DLG2: variants seen among roughly 807,000 people sequenced by gnomAD.
DLG2 encodes the protein discs large MAGUK scaffold protein 2.
In DLG2, 45 loss-of-function variants were observed where a neutral mutation model predicts 132.5. The observed-to-expected ratio is 0.34, with a 90% CI of 0.27 to 0.44. DLG2 has a LOEUF of 0.44. Among genes scored for constraint, DLG2 ranks in the 20% least tolerant of loss-of-function variants. The pLI is 1.00. For synonymous variants in DLG2, 424 were observed against 419.6 expected, an observed-to-expected ratio of 1.01 and a Z score of -0.13; for missense variants, 1,045 against 1,196.9, an observed-to-expected ratio of 0.87 and a Z score of 1.87.
intron 3 of DLG2, among the ~76,000 whole-genome samples, chr11:85,558,865 A>C (rs112853063): frequency 1.3e-5 from 2 of 151,982 alleles, no homozygotes; most frequent in African/African-American, 4.8e-5. Flanking sequence ...TGACGGGATC[A>C]ATCATACCTC....
chr11:84,327,728 T>C (rs189861318), intron 7 of DLG2, among the ~76,000 whole-genome samples: 1 of 152,198 alleles, frequency 6.6e-6, no homozygotes, highest in African/African-American at 2.4e-5. Flanking sequence ...CATAAGAACT[T>C]TATGTTTTTG....
intron 3 of DLG2, among the ~76,000 whole-genome samples, chr11:85,289,497 T>A (rs983815723): frequency 1.3e-5 from 2 of 152,124 alleles, no homozygotes; most frequent in Admixed American, 6.6e-5. Flanking sequence ...TAAAACTGGG[T>A]TCAATTGAGT....
chr11:84,896,925 T>C (rs1377518399), intron 6 of DLG2, among the ~76,000 whole-genome samples: 1 of 151,822 alleles, frequency 6.6e-6, no homozygotes, highest in East Asian at 1.9e-4. Flanking sequence ...TGGGCATCCA[T>C]TGGGGGTTTT....
intron 21 of DLG2, among the ~76,000 whole-genome samples, chr11:83,513,436 T>A (rs1266253077): frequency 1.3e-5 from 2 of 152,260 alleles, no homozygotes; most frequent in African/African-American, 4.8e-5. Flanking sequence ...TAGTCCTTTG[T>A]CAGATGGGTA....
chr11:84,600,371 A>T (rs1481901773), intron 6 of DLG2, among the ~76,000 whole-genome samples: 1 of 152,074 alleles, frequency 6.6e-6, no homozygotes, highest in Non-Finnish European at 1.5e-5. Context: ...ATTTCAACCT[A>T]AACCCTAAAC....
At chr11:85,001,746 T>C (rs948292735) in intron 6 of DLG2, among the ~76,000 whole-genome samples, 1 of 152,176 alleles carries the variant, frequency 6.6e-6, no homozygotes, top group Non-Finnish European at 1.5e-5. Flanking sequence ...TAAACCCTAA[T>C]GTAAACTATT....
intron 6 of DLG2, among the ~76,000 whole-genome samples, chr11:84,791,653 T>C (rs1008309981): frequency 6.6e-6 from 1 of 152,062 alleles, no homozygotes; most frequent in Non-Finnish European, 1.5e-5. Flanking sequence ...GGAGATCTTT[T>C]GCTTCTTTGA....
At chr11:83,687,610 C>G (rs889894980) in intron 18 of DLG2, among the ~76,000 whole-genome samples, 1 of 152,052 alleles carries the variant, frequency 6.6e-6, no homozygotes, top group Non-Finnish European at 1.5e-5. Flanking sequence ...TGAGAATAAA[C>G]AGTAGTTGGA....
In DLG2 at chr11:85,149,632, T is replaced by TA. The variant is rs138538954; in HGVS notation, c.282+4923dup. On this transcript the variant is annotated intron_variant, in intron 5 of 27. Transcript: ENST00000376104. Reference sequence around the variant, plus strand: ...ATACTTCATTGTTTTCAAGCAAGTATAAAAAAACAGAATCCTAAATACAGA... The same window carrying TA: ...ATACTTCATTGTTTTCAAGCAAGTATAAAAAAAACAGAATCCTAAATACAGA... 0.011 allele frequency among the ~76,000 whole-genome samples: 1,731 copies of TA among 152,232 alleles called. 136 individuals carry two copies. In the East Asian group the frequency reaches 0.22, roughly 19 times the overall value.
intron 7 of DLG2, among the ~76,000 whole-genome samples, chr11:84,361,242 C>G (rs565115056): frequency 2.6e-5 from 4 of 151,926 alleles, no homozygotes; most frequent in African/African-American, 9.6e-5. Flanking sequence ...CTAAGAAGCT[C>G]AAAAGCCCCA....
chr11:85,239,341 T>A (rs1433239616), intron 4 of DLG2, among the ~76,000 whole-genome samples: 1 of 152,092 alleles, frequency 6.6e-6, no homozygotes, highest in Non-Finnish European at 1.5e-5. Context: ...GGTCTATAAA[T>A]GTTTGTGTGG....
At chr11:84,418,160 C>T (rs564260398) in intron 7 of DLG2, among the ~76,000 whole-genome samples, 3 of 152,260 alleles carry the variant, frequency 2.0e-5, no homozygotes, top group South Asian at 2.1e-4. Flanking sequence ...TGCTACCATA[C>T]GGCAGCACAA....
intron 7 of DLG2, among the ~76,000 whole-genome samples, chr11:84,405,661 C>G (rs148842059): frequency 1.3e-3 from 191 of 151,744 alleles, no homozygotes; most frequent in Admixed American, 2.2e-3. Flanking sequence ...TGGAAAGAGA[C>G]AGACAATAAA....
chr11:84,724,352 A>G (rs147933792), intron 6 of DLG2, among the ~76,000 whole-genome samples: 116 of 152,306 alleles, frequency 7.6e-4, no homozygotes, highest in African/African-American at 2.7e-3. Context: ...TTGCTCTTCT[A>G]TAACACTTAC....
intron 15 of DLG2, among the ~76,000 whole-genome samples, chr11:83,914,533 C>G (rs2076599624): frequency 6.6e-6 from 1 of 152,190 alleles, no homozygotes; most frequent in African/African-American, 2.4e-5. Flanking sequence ...CACAGAAGTA[C>G]TTAGCTTACC....
intron 3 of DLG2, among the ~76,000 whole-genome samples, chr11:85,533,991 T>G (rs1208814381): frequency 6.6e-6 from 1 of 152,224 alleles, no homozygotes; most frequent in Admixed American, 6.5e-5. Context: ...TTTTGTTTTT[T>G]GTTTGTTTGT....
intron 3 of DLG2, among the ~76,000 whole-genome samples, chr11:85,345,134 C>A (rs2082741175): frequency 6.6e-6 from 1 of 152,072 alleles, no homozygotes; most frequent in African/African-American, 2.4e-5. Flanking sequence ...TGAAAATAGA[C>A]CATTTCAAAT....
chr11:84,951,640 T>C (rs374579794), intron 6 of DLG2, among the ~76,000 whole-genome samples: 2 of 149,932 alleles, frequency 1.3e-5, no homozygotes, highest in East Asian at 1.9e-4. Flanking sequence ...TATATATATA[T>C]ACACATATAT....
intron 7 of DLG2, among the ~76,000 whole-genome samples, chr11:84,484,326 C>T (rs2099145561): frequency 6.6e-6 from 1 of 152,156 alleles, no homozygotes; most frequent in South Asian, 2.1e-4. Flanking sequence ...CCTCTATCAT[C>T]TTGAGCTCCT....
Sources: gnomAD v4.1 joint callset for allele counts (sites outside exome capture counted in the v4.1 genomes callset) on GRCh38, gnomAD v4.1.1 for gene constraint, MANE v1.5 for transcripts, NCBI Gene and HGNC (gene_info 2026-07-23, HGNC 2026-07-21) for gene names.